Variants in PCDH15 observed in about 807,000 individuals in gnomAD.
The protein encoded by PCDH15 is protocadherin related 15, also known as protocadherin-15.
A neutral mutation model predicts 178.5 loss-of-function variants in PCDH15; 129 were observed. That is an observed-to-expected ratio of 0.72 (90% confidence interval 0.63 to 0.84). The LOEUF is 0.84. Among genes scored for constraint, PCDH15 ranks in the 40% least tolerant of loss-of-function variants. The pLI is 0.00. For synonymous variants in PCDH15, 800 were observed against 732.0 expected (o/e 1.09, Z -1.50); for missense variants, 2,230 against 2,099.9 (o/e 1.06, Z -1.21).
chr10:55,439,331 T>C (rs1839123367), intron 2 of PCDH15, among the ~76,000 whole-genome samples: 1 of 152,150 alleles, frequency 6.6e-6, no homozygotes, highest in Non-Finnish European at 1.5e-5. Flanking sequence ...TGGACAAGTA[T>C]ATATCCACCT....
Position 54,866,387 on chromosome 10 carries a change from C to T in PCDH15, c.-29+31063G>A, listed in dbSNP as rs868829998. On this transcript the variant is annotated intron_variant, in intron 3 of 5. Coordinates refer to the PCDH15 transcript ENST00000458638. ...AGAAGTCTACTGTAGGCATCTGGAACAGACAGAGAGTGGTGGGAAAGACAA... is the reference window on the plus strand; with the variant it reads ...AGAAGTCTACTGTAGGCATCTGGAATAGACAGAGAGTGGTGGGAAAGACAA... Among the ~76,000 whole-genome samples, 3 of 152,188 alleles carry T rather than the reference C, an allele frequency of 2.0e-5. No individual in the cohort carries two copies. In the East Asian group the frequency reaches 5.8e-4, roughly 29 times the overall value.
intron 8 of PCDH15, among the ~76,000 whole-genome samples, chr10:54,287,782 A>T (rs2059127909): frequency 6.6e-6 from 1 of 152,268 alleles, no homozygotes; most frequent in South Asian, 2.1e-4. Context: ...ATCTGAATCT[A>T]AATGCCAAAT....
intron 9 of PCDH15, among the ~76,000 whole-genome samples, chr10:54,227,757 A>G (rs926949177): frequency 1.3e-4 from 20 of 152,200 alleles, no homozygotes; most frequent in Non-Finnish European, 1.5e-5. Flanking sequence ...CACCTCTTGA[A>G]TGCTTTTGCT....
intron 2 of PCDH15, among the ~76,000 whole-genome samples, chr10:55,425,808 T>C (rs1295723413): frequency 6.6e-6 from 1 of 152,222 alleles, no homozygotes; most frequent in Non-Finnish European, 1.5e-5. Context: ...GTCAAATTTA[T>C]GACACAAATG....
Position 53,995,726 on chromosome 10 carries a change from A to G in PCDH15, c.2791T>C (p.Tyr931His). The change falls in exon 21 of 38, where the codon TAC (tyrosine) becomes CAC (histidine). Residue 931 changes from tyrosine to histidine, a missense_variant. Physicochemically the swap from Tyr to His is moderately conservative, Grantham distance 83. Transcript: ENST00000644397. ...GCATCCGGAGCCACCATCCCTTTGT[A>G]TATTCGTTTACTAAAGACAGGAGGA... ...DYPPVFSKRI[Y>H]KGMVAPDAVK... 4 of 1,613,886 alleles carry G rather than the reference A, an allele frequency of 2.5e-6. No individual in the cohort carries two copies. Among genetic ancestry groups the G allele is most frequent in the South Asian group, 1.1e-5 (1 of 91,072 alleles).
At chr10:53,926,923 C>T (rs904162540) in intron 25 of PCDH15, among the ~76,000 whole-genome samples, 34 of 151,818 alleles carry the variant, frequency 2.2e-4, no homozygotes, top group Non-Finnish European at 7.4e-5. Context: ...CTTGTGGATA[C>T]GTATCCCCTT....
chr10:54,062,243 AAAAAAAAAACAAAAAAC>A (rs1476106203), intron 18 of PCDH15, among the ~76,000 whole-genome samples: 10 of 143,746 alleles, frequency 7.0e-5, no homozygotes, highest in Middle Eastern at 3.6e-3. Flanking sequence ...AAAAAAAAAA[AAAAAAAAAACAAAAAAC>A]AACTAAATGA....
Position 55,167,928 on chromosome 10 carries a change from T to C in PCDH15, c.-155-1277A>G, listed in dbSNP as rs149972387. Among the ~76,000 whole-genome samples, 971 of 152,210 alleles carry C rather than the reference T, an allele frequency of 6.4e-3. 15 individuals are homozygous for C. Among genetic ancestry groups the C allele is most frequent in the African/African-American group, 0.022 (932 of 41,550 alleles). On this transcript the variant is annotated intron_variant, in intron 1 of 5. Transcript: ENST00000458638. The stretch of plus-strand genomic sequence containing the variant: ...AATATTTATAAAAATCTAGCGCATA[T>C]AAATTAAAATTTTAAAATACTTTCT...
rs190487514 is a variant in PCDH15, at chr10:55,233,043, T to C, written c.-155-66392A>G. Among the ~76,000 whole-genome samples the C allele has an allele frequency of 3.0e-3, 403 of 133,052 alleles. 3 individuals carry two copies. The highest frequency in any genetic ancestry group is 0.011 in the Middle Eastern group (3 of 264). The allele number at this position is 133,052 out of a possible 152,430, so 87.3% of individuals were successfully genotyped here. ...TAGTTACTTAGCAATAGGAAACTAA[T>C]ACACAGATATTTGGAGAAAATATTG... On this transcript the variant is annotated intron_variant, in intron 1 of 5. Coordinates refer to the PCDH15 transcript ENST00000458638.
At chr10:55,151,772 T>C (rs1427708725) in intron 2 of PCDH15, among the ~76,000 whole-genome samples, 1 of 152,100 alleles carries the variant, frequency 6.6e-6, no homozygotes, top group Non-Finnish European at 1.5e-5. Context: ...AATATTAAGA[T>C]AATGTTAAGA....
At chr10:53,898,263 G>A (rs1026852629) in intron 26 of PCDH15, among the ~76,000 whole-genome samples, 2 of 152,056 alleles carry the variant, frequency 1.3e-5, no homozygotes, top group African/African-American at 2.4e-5. Context: ...CACCGCACCC[G>A]GCCCCATATG....
intron 2 of PCDH15, among the ~76,000 whole-genome samples, chr10:55,444,820 T>A (rs184125056): frequency 1.3e-5 from 2 of 152,262 alleles, no homozygotes. Context: ...TGACAAATTG[T>A]TGAATCATAA....
At chr10:54,198,431 A>G (rs1351125857) in intron 10 of PCDH15, among the ~76,000 whole-genome samples, 1 of 149,144 alleles carries the variant, frequency 6.7e-6, no homozygotes, top group Non-Finnish European at 1.5e-5. Context: ...CATGCAAGGC[A>G]TTTTGAACAG....
chr10:55,603,098 C>A (rs1049929288), intron 2 of PCDH15, among the ~76,000 whole-genome samples: 10 of 151,970 alleles, frequency 6.6e-5, no homozygotes, highest in Non-Finnish European at 1.2e-4. Context: ...AATGCAGAAG[C>A]CTCAGGAGCC....
chr10:53,929,802 A>T (rs1316857295), intron 25 of PCDH15, among the ~76,000 whole-genome samples: 2 of 152,220 alleles, frequency 1.3e-5, no homozygotes, highest in Non-Finnish European at 2.9e-5. Flanking sequence ...CTAGTTATTG[A>T]ATCAAAACAC....
chr10:54,003,736 CAAAAAAAAAA>C (rs55871741), intron 20 of PCDH15, among the ~76,000 whole-genome samples: 8 of 76,206 alleles, frequency 1.0e-4, no homozygotes, highest in African/African-American at 3.7e-4. Context: ...CAAACTATTC[CAAAAAAAAAA>C]AAAAAAAAAA....
chr10:54,024,240 ATT>A (rs1317136799), intron 18 of PCDH15, among the ~76,000 whole-genome samples: 2 of 152,126 alleles, frequency 1.3e-5, no homozygotes, highest in Non-Finnish European at 2.9e-5. Flanking sequence ...GCTACTGTAT[ATT>A]TTGTTTTGAA....
intron 26 of PCDH15, among the ~76,000 whole-genome samples, chr10:53,875,890 C>A (rs1564659507): frequency 6.6e-6 from 1 of 152,030 alleles, no homozygotes; most frequent in Non-Finnish European, 1.5e-5. Flanking sequence ...TAAATGAATA[C>A]CATGGATGCA....
chr10:55,526,437 A>T (rs949478127), intron 2 of PCDH15, among the ~76,000 whole-genome samples: 4 of 152,078 alleles, frequency 2.6e-5, no homozygotes, highest in Non-Finnish European at 5.9e-5. Context: ...TTGTCATTTA[A>T]GGTTCAACTA....
Sources: allele counts gnomAD v4.1 joint callset (sites outside exome capture counted in the v4.1 genomes callset), GRCh38; gene constraint gnomAD v4.1.1; transcripts MANE v1.5; gene names NCBI Gene and HGNC (gene_info 2026-07-23, HGNC 2026-07-21).